The following SLC25A19 variants were observed in gnomAD, a reference collection of about 807,000 sequenced individuals.
The protein encoded by SLC25A19 is solute carrier family 25 member 19.
Under a neutral mutation model 27.9 loss-of-function variants are expected in SLC25A19, and 18 were observed. That is an observed-to-expected ratio of 0.64 (90% CI 0.45 to 0.96). The LOEUF is 0.96. SLC25A19 is among the 40% of genes least tolerant of loss of function. SLC25A19 has a pLI of 0.00. For synonymous variants in SLC25A19, 169 were observed against 167.1 expected (o/e 1.01, Z -0.09); for missense variants, 371 against 418.3 (o/e 0.89, Z 0.99).
intron 2 of SLC25A19, among the ~76,000 whole-genome samples, chr17:75,287,826 CA>C (rs1274022153): frequency 6.6e-6 from 1 of 152,192 alleles, no homozygotes; most frequent in Non-Finnish European, 1.5e-5. Context: ...CACCCCGGCA[CA>C]GTGGGGCCAT....
chr17:75,289,376 G>C lies in SLC25A19; in HGVS notation c.-151C>G, dbSNP rs911630779. ...CACACGGCTCGGCGGGTGCGGCCCG[G>C]CTCAGCGCTCTCCGCTCTCTCTAGC... On this transcript the variant is annotated 5_prime_UTR_variant, in exon 1 of 8. Coordinates refer to ENST00000416858, the MANE Select transcript of SLC25A19 (RefSeq NM_001126121.2). The C allele has an allele frequency of 1.3e-5, 2 of 151,208 alleles. No individual in the cohort carries two copies. The highest frequency in any genetic ancestry group is 1.5e-5 in the Non-Finnish European group (1 of 68,198). The allele number at this position is 151,208 out of a possible 1,614,324, so 9.4% of individuals were successfully genotyped here.
chr17:75,282,850 C>CA lies in SLC25A19; in HGVS notation c.459+572dup, dbSNP rs1414199991. Among the ~76,000 whole-genome samples the CA allele has an allele frequency of 3.5e-5, 5 of 142,042 alleles. No homozygotes were observed. The South Asian group carries it at 8.9e-4, about 25-fold the overall frequency. 93.2% of individuals were successfully genotyped at this position (142,042 alleles called of 152,430 possible). A position where few individuals can be genotyped will look rare whatever the true frequency, so the allele number is the denominator to read the frequency against. The stretch of plus-strand genomic sequence containing the variant: ...CGGGCGACAGAGTGAGACTCTGTCT[C>CA]AAAAAAAATAAATAAATAACTAAAA... On this transcript the variant is annotated intron_variant, in intron 5 of 7. Transcript: ENST00000416858.
rs907043044 is a variant in SLC25A19 at position 75,278,336 on chromosome 17, C to T, written c.460-1G>A. The T allele has an allele frequency of 1.7e-5, 27 of 1,614,064 alleles. No individual in the cohort carries two copies. Among genetic ancestry groups the T allele is most frequent in the Non-Finnish European group, 2.2e-5 (26 of 1,180,014 alleles). On this transcript the variant is annotated splice_acceptor_variant, in intron 5 of 7. Transcript: ENST00000416858. LOFTEE classifies it high-confidence loss of function. ...CGGCGTGGCGCAGCGTATTATAGAC[C>T]TGGACACACACACGCACTTTGAATG...
chr17:75,277,806 CCTCCCCCTGCCCCCATCTCCCA>C (rs969182678), intron 6 of SLC25A19, among the ~76,000 whole-genome samples: 4 of 147,512 alleles, frequency 2.7e-5, no homozygotes, highest in African/African-American at 7.5e-5. Flanking sequence ...CCCTCCCCAG[CCTCCCCCTGCCCCCATCTCCCA>C]CTCCCCCTGC....
At chr17:75,280,600 G>A (rs2078014521) in intron 5 of SLC25A19, among the ~76,000 whole-genome samples, 1 of 152,002 alleles carries the variant, frequency 6.6e-6, no homozygotes, top group Non-Finnish European at 1.5e-5. Flanking sequence ...GGATCACAAG[G>A]TCAGGAGTTC....
At chr17:75,287,166 T>C (rs1209003714) in intron 2 of SLC25A19, 2 of 265,884 alleles carry the variant, frequency 7.5e-6, no homozygotes, top group Admixed American at 4.9e-5. Context: ...CAGGCTGGAA[T>C]GCAGTGGTGC....
Position 75,277,447 on chromosome 17 carries a change from C to T in SLC25A19, c.680G>A (p.Gly227Asp). The stretch of plus-strand genomic sequence containing the variant: ...ATATGTCAGGGTCTTGCTGATGACA[C>T]CAGCTCCACTGCCACAAAGCAGGTT... ...LQNLLCGSGAGVISKTLTYPL... is the reference protein window; with the variant it reads ...LQNLLCGSGADVISKTLTYPL... Residue 227 changes from glycine to aspartate, a missense_variant, in exon 7 of 8, where the codon GGT (glycine) becomes GAT (aspartate). Coordinates refer to ENST00000416858, the MANE Select transcript of SLC25A19 (RefSeq NM_001126121.2). 1 of 1,614,100 alleles carries T rather than the reference C, an allele frequency of 6.2e-7. No homozygotes were observed.
rs1210371372 is a variant in SLC25A19 at position 75,286,725 on chromosome 17, T to C, written c.40A>G (p.Thr14Ala). 6 of 1,614,132 alleles carry C rather than the reference T, an allele frequency of 3.7e-6. No individual in the cohort carries two copies. Among genetic ancestry groups the C allele is most frequent in the Admixed American group, 1.7e-5 (1 of 60,002 alleles). The change falls in exon 3 of 8, where the codon ACC becomes GCC. Residue 14 changes from threonine to alanine, a missense_variant. Transcript: ENST00000416858. ...CCAGCCACTGCCACCTGGAACTTGG[T>C]GTTATTCCTGCCATCTGGTTTGGGG... The part of the protein sequence containing the change: ...YDPKPDGRNN[T>A]KFQVAVAGSV...
At chr17:75,276,470 C>T (rs62089321) in intron 7 of SLC25A19, among the ~76,000 whole-genome samples, 84,021 of 151,062 alleles carry the variant, frequency 0.56, 28,374 homozygotes, top group East Asian at 0.86. Flanking sequence ...CACGTTCAAG[C>T]GATTCTCCTG....
In SLC25A19 at chr17:75,283,860, A is replaced by G. The variant is rs56122124; in HGVS notation, c.289-267T>C. Among the ~76,000 whole-genome samples the G allele has an allele frequency of 0.16, 24,594 of 151,204 alleles. 2,352 individuals are homozygous for G. The highest frequency in any genetic ancestry group is 0.28 in the Middle Eastern group (81 of 294). On this transcript the variant is annotated intron_variant, in intron 4 of 7. Transcript: ENST00000416858. ...GCCAGGTGCAGTGGCTCACACTTGT[A>G]ATCCCAGCACTCTGGGGGGCCGAGG...
intron 5 of SLC25A19, among the ~76,000 whole-genome samples, chr17:75,279,151 C>T (rs993988836): frequency 6.6e-6 from 1 of 151,894 alleles, no homozygotes; most frequent in African/African-American, 2.4e-5. Flanking sequence ...AGCCACTGCA[C>T]CCGGCCAAGC....
intron 6 of SLC25A19, 118 bp downstream of exon 6, chr17:75,278,034 G>A: frequency 9.1e-7 from 1 of 1,099,802 alleles, no homozygotes; most frequent in Non-Finnish European, 1.4e-6. Context: ...ACAGAGCCAG[G>A]TACAGAGACC....
intron 2 of SLC25A19, chr17:75,288,212 T>C (rs1357696540): frequency 1.3e-5 from 2 of 152,280 alleles, no homozygotes; most frequent in Admixed American, 1.3e-4. Flanking sequence ...TCAGACCTAC[T>C]GACCTCTTCA....
chr17:75,278,046 G>T (rs960302027), intron 6 of SLC25A19, 106 bp downstream of exon 6: 3 of 1,227,146 alleles, frequency 2.4e-6, no homozygotes, highest in South Asian at 2.4e-5. Context: ...ACAGAGACCC[G>T]CGGTCTTTGA....
chr17:75,285,211 A>C (rs6501773), intron 4 of SLC25A19, among the ~76,000 whole-genome samples: 1 of 152,010 alleles, frequency 6.6e-6, no homozygotes, highest in East Asian at 1.9e-4. Context: ...TGATGGGATT[A>C]CAGGTGTGAG....
chr17:75,287,863 G>C (rs551594833), intron 2 of SLC25A19, among the ~76,000 whole-genome samples: 2 of 152,224 alleles, frequency 1.3e-5, no homozygotes, highest in Non-Finnish European at 2.9e-5. Context: ...GATGCTCCTG[G>C]CCAGGCACCG....
chr17:75,277,249 G>A (rs2077912928), intron 7 of SLC25A19, 104 bp downstream of exon 7: 4 of 1,479,400 alleles, frequency 2.7e-6, no homozygotes, highest in South Asian at 1.2e-5. Context: ...AGGGGCCATG[G>A]CCAGGGGTGA....
intron 4 of SLC25A19, among the ~76,000 whole-genome samples, chr17:75,285,752 A>G (rs1199044696): frequency 6.6e-6 from 1 of 152,258 alleles, no homozygotes; most frequent in East Asian, 1.9e-4. Context: ...TGCTTCCAAC[A>G]GGGGCCTGGC....
At chr17:75,279,542 A>C (rs2077983336) in intron 5 of SLC25A19, among the ~76,000 whole-genome samples, 1 of 122,862 alleles carries the variant, frequency 8.1e-6, no homozygotes, top group Non-Finnish European at 1.6e-5. Context: ...AAGTCTTGCT[A>C]TGTTGCCTAG....
Sources: allele counts gnomAD v4.1 joint callset (sites outside exome capture counted in the v4.1 genomes callset), GRCh38; gene constraint gnomAD v4.1.1; transcripts MANE v1.5; gene names NCBI Gene and HGNC (gene_info 2026-07-23, HGNC 2026-07-21).